Variants in NAV3 observed in about 807,000 individuals in gnomAD.
The protein encoded by NAV3 is pore membrane and/or filament interacting like protein 1.
NAV3 carries 87 observed loss-of-function variants against 244.7 expected under a neutral mutation model. The observed-to-expected ratio is 0.36, with a 90% CI of 0.30 to 0.42. The LOEUF (loss-of-function observed/expected upper bound fraction) is 0.42, where lower values mean the gene tolerates loss of function less well. NAV3 is among the 20% of genes least tolerant of loss of function. The pLI is 1.00. For missense variants in NAV3, 2,663 were observed against 2,893.3 expected (o/e 0.92, Z 1.83); for synonymous variants, 1,126 against 1,042.2 (o/e 1.08, Z -1.55).
chr12:77,903,762 A>G (rs1565906368), intron 1 of NAV3, among the ~76,000 whole-genome samples: 1 of 152,258 alleles, frequency 6.6e-6, no homozygotes, highest in African/African-American at 2.4e-5. Context: ...AAGGGCTAAT[A>G]TCTAGAATCT....
intron 2 of NAV3, among the ~76,000 whole-genome samples, chr12:77,605,111 A>G (rs772387049): frequency 6.6e-6 from 1 of 152,112 alleles, no homozygotes; most frequent in Admixed American, 6.6e-5. Context: ...TGAATTGTCT[A>G]TGCTGTAGAA....
At chr12:78,197,688 C>T (rs941101043) in intron 35 of NAV3, among the ~76,000 whole-genome samples, 13 of 151,790 alleles carry the variant, frequency 8.6e-5, no homozygotes, top group Non-Finnish European at 1.6e-4. Flanking sequence ...TAATATTATA[C>T]CACAGTTTTA....
chr12:78,118,057 A>G lies in NAV3; in HGVS notation c.2800A>G (p.Thr934Ala). Residue 934 changes from threonine (T) to alanine (A), a missense_variant, in exon 14 of 40, where the codon ACA becomes GCA. Around this residue, in one of 6 missense-constraint regions of NAV3, gnomAD observed 1,521 missense variants for 1,497.0 expected, o/e 1.02. Transcript: ENST00000397909. ...LRTDSEKRST[T>A]DETWDSPEEL... ...GACAGATTCAGAGAAACGCTCCACC[A>G]CAGACGAGACCTGGGATAGTCCTGA... The G allele has an allele frequency of 6.2e-7, 1 of 1,613,654 alleles. No individual in the cohort carries two copies.
At chr12:77,699,910 C>T (rs1287151402) in intron 2 of NAV3, among the ~76,000 whole-genome samples, 1 of 151,378 alleles carries the variant, frequency 6.6e-6, no homozygotes, top group Non-Finnish European at 1.5e-5. Flanking sequence ...GTAGATGGAA[C>T]AAATGTTGAA....
intron 8 of NAV3, among the ~76,000 whole-genome samples, chr12:78,015,434 A>G (rs1876028810): frequency 2.0e-5 from 3 of 152,088 alleles, no homozygotes; most frequent in Admixed American, 1.3e-4. Context: ...GGCATTTTAC[A>G]TAATGTTTCT....
chr12:77,842,131 G>T (rs144724138), intron 1 of NAV3, among the ~76,000 whole-genome samples: 2 of 152,052 alleles, frequency 1.3e-5, no homozygotes, highest in Admixed American at 6.6e-5. Flanking sequence ...AGAATTACAG[G>T]GATATATCTT....
chr12:77,699,776 A>G (rs1442613709), intron 2 of NAV3, among the ~76,000 whole-genome samples: 2 of 140,542 alleles, frequency 1.4e-5, no homozygotes, highest in Non-Finnish European at 3.1e-5. Flanking sequence ...GAGCAAGGCC[A>G]TGTCTGCATG....
chr12:77,984,317 G>T (rs1398736613), intron 5 of NAV3, among the ~76,000 whole-genome samples: 1 of 152,154 alleles, frequency 6.6e-6, no homozygotes, highest in Non-Finnish European at 1.5e-5. Context: ...ATGCTTATGT[G>T]CTTTCAAGTA....
rs11829306 is a variant in NAV3, at chr12:78,029,066, G to C, written c.2023+7204G>C. ...ACTAAAGACATGGTTGTACCTGCCT[G>C]GCACAGCCTCTGGTCTGCATCTATG... On this transcript the variant is annotated intron_variant, in intron 9 of 39. Transcript: ENST00000397909. 1.5e-3 allele frequency among the ~76,000 whole-genome samples: 235 copies of C among 152,020 alleles called. 1 individual carries two copies. The highest frequency in any genetic ancestry group is 5.3e-3 in the African/African-American group (220 of 41,454).
intron 25 of NAV3, 42 bp downstream of exon 25, chr12:78,175,469 C>G (rs1255222064): frequency 1.9e-6 from 3 of 1,594,870 alleles, no homozygotes; most frequent in African/African-American, 2.7e-5. Flanking sequence ...CTTATTAATG[C>G]ATAATGTGTT....
At chr12:77,603,911 A>G (rs188974504) in intron 2 of NAV3, among the ~76,000 whole-genome samples, 1 of 152,284 alleles carries the variant, frequency 6.6e-6, no homozygotes, top group East Asian at 1.9e-4. Flanking sequence ...AAGTCCTCAT[A>G]CAAAAGCTAG....
Position 77,964,639 on chromosome 12 carries a change from G to T in NAV3, c.415-1590G>T, listed in dbSNP as rs1413536171. ...CAGAATGAAATATGAAGAAAGGAAAGAATTAATATATATTTCAGCACTGTC... is the reference window on the plus strand; with the variant it reads ...CAGAATGAAATATGAAGAAAGGAAATAATTAATATATATTTCAGCACTGTC... On this transcript the variant is annotated intron_variant, in intron 3 of 39. Coordinates refer to ENST00000397909, the MANE Select transcript of NAV3 (RefSeq NM_001024383.2). Among the ~76,000 whole-genome samples, 9 of 152,238 alleles carry T rather than the reference G, an allele frequency of 5.9e-5. No individual in the cohort carries two copies. In the East Asian group the frequency reaches 9.7e-4, roughly 16 times the overall value.
intron 2 of NAV3, among the ~76,000 whole-genome samples, chr12:77,821,898 T>C (rs1264892192): frequency 1.3e-5 from 2 of 152,124 alleles, no homozygotes; most frequent in Admixed American, 6.6e-5. Flanking sequence ...TTAGGTTGCA[T>C]TTTTTTAGCA....
At chr12:77,678,099 T>C (rs1874286641) in intron 2 of NAV3, among the ~76,000 whole-genome samples, 1 of 152,144 alleles carries the variant, frequency 6.6e-6, no homozygotes, top group African/African-American at 2.4e-5. Flanking sequence ...TTTTAAGGCA[T>C]TAATATTTAA....
chr12:77,939,816 A>C (rs1474677767), intron 1 of NAV3, among the ~76,000 whole-genome samples: 5 of 152,208 alleles, frequency 3.3e-5, no homozygotes, highest in Admixed American at 2.6e-4. Flanking sequence ...CAAATTTCTT[A>C]GACAGGAAGG....
intron 12 of NAV3, among the ~76,000 whole-genome samples, chr12:78,074,773 G>A (rs1057356621): frequency 6.6e-6 from 1 of 152,108 alleles, no homozygotes; most frequent in Non-Finnish European, 1.5e-5. Context: ...ATGCCAATTG[G>A]CATTTGGTAT....
rs1875442997 is a variant in NAV3 at position 77,699,076 on chromosome 12, A to AT, written c.72+126813dup. Among the ~76,000 whole-genome samples the AT allele has an allele frequency of 2.0e-5, 3 of 152,242 alleles. No individual in the cohort carries two copies. In the South Asian group the frequency reaches 6.2e-4, roughly 32 times the overall value. ...TTAGTTCTTAGAGGTTATATATTTG[A>AT]TTTAGTGTTTTATCCACTTTTATTT... On this transcript the variant is annotated intron_variant, in intron 2 of 8. Coordinates refer to the NAV3 transcript ENST00000550042.
intron 2 of NAV3, among the ~76,000 whole-genome samples, chr12:77,634,261 T>C (rs755814223): frequency 2.2e-4 from 33 of 152,158 alleles, no homozygotes; most frequent in Non-Finnish European, 4.1e-4. Flanking sequence ...TGATTGTACT[T>C]TCAGACTGCG....
At position 78,021,827 on chromosome 12, in the gene NAV3, G is replaced by A. The variant is rs754785923; in HGVS notation, c.1988G>A (p.Ser663Asn). The change falls in exon 9 of 40, where the codon AGT (serine) becomes AAT (asparagine). Residue 663 changes from serine to asparagine, a missense_variant. Transcript: ENST00000397909. ...CCTACAAAGATGGACTTATCATATA[G>A]TAAGACTGCTAAGCAGTGCCTGGAG... The part of the protein sequence containing the change: ...TSPTKMDLSY[S>N]KTAKQCLEEI... 3 of 1,610,706 alleles carry A rather than the reference G, an allele frequency of 1.9e-6. No homozygotes were observed. Among genetic ancestry groups the A allele is most frequent in the South Asian group, 1.1e-5 (1 of 90,920 alleles).
Sources: gnomAD v4.1 joint callset for allele counts (sites outside exome capture counted in the v4.1 genomes callset) on GRCh38, gnomAD v4.1.1 for gene constraint, gnomAD v4.1.1 regional missense constraint, MANE v1.5 for transcripts, NCBI Gene and HGNC (gene_info 2026-07-23, HGNC 2026-07-21) for gene names.